ZBTB7C: variants seen among roughly 807,000 people sequenced by gnomAD.
ZBTB7C encodes zinc finger and BTB domain-containing protein 7C.
ZBTB7C carries 8 observed loss-of-function variants against 25.7 expected under a neutral mutation model. The ratio of observed to expected loss-of-function variants is 0.31; its 90% CI spans 0.18 to 0.56. ZBTB7C has a LOEUF of 0.56. Ranked by LOEUF, ZBTB7C falls within the 20% of genes least tolerant of loss-of-function variation. The pLI is 0.91. For missense variants in ZBTB7C, 824 were observed against 855.2 expected (o/e 0.96, Z 0.46); for synonymous variants, 394 against 369.0 (o/e 1.07, Z -0.78).
intron 4 of ZBTB7C, among the ~76,000 whole-genome samples, chr18:48,038,571 A>G (rs1233262884): frequency 6.7e-6 from 1 of 148,786 alleles, no homozygotes; most frequent in African/African-American, 2.5e-5. Flanking sequence ...TTTTTCCTGG[A>G]AAAGCATAGT....
At chr18:48,204,265 CTCTGCGCATGCCCAG>C (rs2042526972) in intron 2 of ZBTB7C, among the ~76,000 whole-genome samples, 1 of 152,214 alleles carries the variant, frequency 6.6e-6, no homozygotes, top group African/African-American at 2.4e-5. Flanking sequence ...ACCCAACCAA[CTCTGCGCATGCCCAG>C]TCTCTCACTC....
At chr18:48,127,040 G>A (rs1285749431) in intron 3 of ZBTB7C, among the ~76,000 whole-genome samples, 1 of 152,166 alleles carries the variant, frequency 6.6e-6, no homozygotes. Flanking sequence ...AATGGTGAAG[G>A]CCACCACTTA....
At chr18:48,048,004 C>T (rs921164534) in intron 3 of ZBTB7C, among the ~76,000 whole-genome samples, 3 of 152,200 alleles carry the variant, frequency 2.0e-5, no homozygotes, top group African/African-American at 7.2e-5. Context: ...TGTTCCCCTT[C>T]ACCATGCTGC....
At chr18:48,196,014 G>A (rs1220909190) in intron 2 of ZBTB7C, among the ~76,000 whole-genome samples, 2 of 152,230 alleles carry the variant, frequency 1.3e-5, no homozygotes, top group East Asian at 3.8e-4. Flanking sequence ...GCTGGTGGGA[G>A]CAGACATGGT....
intron 3 of ZBTB7C, among the ~76,000 whole-genome samples, chr18:48,048,379 C>A (rs2036554323): frequency 6.6e-6 from 1 of 152,182 alleles, no homozygotes; most frequent in Non-Finnish European, 1.5e-5. Flanking sequence ...CTGGATTCCC[C>A]AAGTGGGATC....
At chr18:48,362,433 T>C (rs192610961) in intron 1 of ZBTB7C, among the ~76,000 whole-genome samples, 164 of 152,208 alleles carry the variant, frequency 1.1e-3, no homozygotes, top group Non-Finnish European at 1.8e-3. Flanking sequence ...ACTAGTGCCC[T>C]TATAATGGGC....
chr18:48,183,393 C>G (rs949163419), intron 3 of ZBTB7C, among the ~76,000 whole-genome samples: 1 of 152,156 alleles, frequency 6.6e-6, no homozygotes, highest in African/African-American at 2.4e-5. Context: ...AGAGGGGAGA[C>G]TTTTTACAAT....
intron 3 of ZBTB7C, among the ~76,000 whole-genome samples, chr18:48,185,664 G>A (rs1228113169): frequency 1.3e-5 from 2 of 151,942 alleles, no homozygotes; most frequent in East Asian, 1.9e-4. Flanking sequence ...CTGCTCTCCC[G>A]CACAGCAATC....
intron 4 of ZBTB7C, among the ~76,000 whole-genome samples, chr18:48,038,326 T>G (rs74854160): frequency 1.2e-4 from 19 of 152,248 alleles, no homozygotes; most frequent in Non-Finnish European, 2.5e-4. Flanking sequence ...CTGGGACAGA[T>G]GCTGTCTGGG....
At chr18:48,127,354 C>T (rs1037849585) in intron 3 of ZBTB7C, among the ~76,000 whole-genome samples, 1 of 152,224 alleles carries the variant, frequency 6.6e-6, no homozygotes, top group South Asian at 2.1e-4. Context: ...TGACACTGAA[C>T]AGCACTGTCT....
chr18:48,079,980 T>C (rs1337126244), intron 3 of ZBTB7C, among the ~76,000 whole-genome samples: 2 of 152,206 alleles, frequency 1.3e-5, no homozygotes, highest in South Asian at 2.1e-4. Flanking sequence ...CAGCAGCACA[T>C]GAGTCTGTGC....
chr18:48,278,500 A>G (rs2044735407), intron 2 of ZBTB7C, among the ~76,000 whole-genome samples: 1 of 151,270 alleles, frequency 6.6e-6, no homozygotes, highest in Non-Finnish European at 1.5e-5. Context: ...CAATGGTGCG[A>G]TCTTGGCTCA....
chr18:48,215,127 G>A (rs1402932936), intron 2 of ZBTB7C, among the ~76,000 whole-genome samples: 1 of 152,222 alleles, frequency 6.6e-6, no homozygotes, highest in Non-Finnish European at 1.5e-5. Flanking sequence ...AAAAAGACCA[G>A]TTCCAATAAT....
chr18:48,097,109 G>T (rs141141844), intron 3 of ZBTB7C, among the ~76,000 whole-genome samples: 2 of 152,282 alleles, frequency 1.3e-5, no homozygotes, highest in South Asian at 4.2e-4. Context: ...CTCACATAGG[G>T]TTCCCCTAGT....
At chr18:48,050,850 T>C (rs1051575127) in intron 3 of ZBTB7C, among the ~76,000 whole-genome samples, 3 of 152,208 alleles carry the variant, frequency 2.0e-5, no homozygotes, top group Non-Finnish European at 2.9e-5. Flanking sequence ...CAATGCCACA[T>C]GCCTGTTGAG....
chr18:48,241,454 C>A (rs535985465), intron 2 of ZBTB7C, among the ~76,000 whole-genome samples: 1 of 152,178 alleles, frequency 6.6e-6, no homozygotes, highest in East Asian at 1.9e-4. Flanking sequence ...ATATAATAGG[C>A]CATAAAACAC....
intron 3 of ZBTB7C, among the ~76,000 whole-genome samples, chr18:48,127,864 G>A (rs1568239848): frequency 6.6e-6 from 1 of 152,196 alleles, no homozygotes; most frequent in African/African-American, 2.4e-5. Flanking sequence ...TCGGCAGGGA[G>A]CAGTGGCGGG....
rs549085157 is a variant in ZBTB7C, at chr18:48,279,111, C to T, written c.-79+59063G>A. Among the ~76,000 whole-genome samples, 3 of 152,276 alleles carry T rather than the reference C, an allele frequency of 2.0e-5. No individual in the cohort carries two copies. The East Asian group carries it at 5.8e-4, about 29-fold the overall frequency. ...AAGGAAAAAGTCCATGGAACCAGCT[C>T]ACCCCAGGGCCCAGAGGGCAGCACC... On this transcript the variant is annotated intron_variant, in intron 2 of 4. Transcript: ENST00000590800.
intron 3 of ZBTB7C, among the ~76,000 whole-genome samples, chr18:48,174,795 C>G (rs1437030561): frequency 3.3e-5 from 5 of 152,228 alleles, no homozygotes; most frequent in Non-Finnish European, 7.3e-5. Flanking sequence ...ACATCTAAAT[C>G]TGTATTTACC....
Sources: allele counts gnomAD v4.1 joint callset (sites outside exome capture counted in the v4.1 genomes callset), GRCh38; gene constraint gnomAD v4.1.1; transcripts MANE v1.5; gene names NCBI Gene and HGNC (gene_info 2026-07-23, HGNC 2026-07-21).